The following UVRAG variants were observed in gnomAD, a reference collection of about 807,000 sequenced individuals.
The protein encoded by UVRAG is UV radiation resistance-associated gene protein.
In UVRAG, 19 loss-of-function variants were observed where a neutral mutation model predicts 78.0. The observed-to-expected ratio is 0.24, with a 90% confidence interval of 0.17 to 0.36. The LOEUF (loss-of-function observed/expected upper bound fraction) is 0.36, where lower values mean the gene tolerates loss of function less well. Ranked by LOEUF, UVRAG falls within the 10% of genes least tolerant of loss-of-function variation. The pLI is 1.00. For missense variants in UVRAG, 740 were observed against 853.8 expected (o/e 0.87, Z 1.66); for synonymous variants, 323 against 324.6 (o/e 1.00, Z 0.05).
chr11:76,142,249 G>A lies in UVRAG; in HGVS notation c.*836G>A, dbSNP rs1327448183. ...CAAAGTTTTTATGTGGGCAGATGCT[G>A]TGGTCAGGAACTAGGCATGCTTTCT... On this transcript the variant is annotated 3_prime_UTR_variant, in exon 15 of 15. Coordinates refer to ENST00000356136, the MANE Select transcript of UVRAG (RefSeq NM_003369.4). 1 of 152,202 alleles carries A rather than the reference G, an allele frequency of 6.6e-6. No individual in the cohort carries two copies. 9.4% of individuals were successfully genotyped at this position (152,202 alleles called of 1,614,324 possible). A position where few individuals can be genotyped will look rare whatever the true frequency, so the allele number is the denominator to read the frequency against.
intron 7 of UVRAG, among the ~76,000 whole-genome samples, chr11:75,967,876 T>A (rs1042241367): frequency 6.6e-6 from 1 of 152,198 alleles, no homozygotes; most frequent in South Asian, 2.1e-4. Context: ...CTTAGTAATA[T>A]GCGAATATGT....
At chr11:76,014,349 G>C (rs1253898400) in intron 11 of UVRAG, among the ~76,000 whole-genome samples, 1 of 152,130 alleles carries the variant, frequency 6.6e-6, no homozygotes, top group Non-Finnish European at 1.5e-5. Flanking sequence ...CTCCTTTCTG[G>C]AAGTTTTCAA....
rs746420602 is a variant in UVRAG at position 76,004,104 on chromosome 11, A to C, written c.911+15A>C. 9.9e-6 allele frequency: 16 copies of C among 1,611,600 alleles called. No individual in the cohort carries two copies. Among genetic ancestry groups the C allele is most frequent in the African/African-American group, 2.7e-5 (2 of 74,864 alleles). On this transcript the variant is annotated intron_variant, in intron 9 of 14. Coordinates refer to ENST00000356136, the MANE Select transcript of UVRAG (RefSeq NM_003369.4). Reference sequence around the variant, plus strand: ...ACTGCAAAAAGGTAAATGCACACTGAGAAGAATTGCTGTGAGTGTGGAGTT... The same window carrying C: ...ACTGCAAAAAGGTAAATGCACACTGCGAAGAATTGCTGTGAGTGTGGAGTT...
intron 5 of UVRAG, among the ~76,000 whole-genome samples, chr11:75,908,923 A>T (rs148996676): frequency 6.6e-6 from 1 of 152,154 alleles, no homozygotes; most frequent in East Asian, 1.9e-4. Context: ...TTGCTGGAAT[A>T]CAATTAATTG....
intron 12 of UVRAG, among the ~76,000 whole-genome samples, chr11:76,038,093 A>G (rs1950571766): frequency 6.6e-6 from 1 of 152,218 alleles, no homozygotes; most frequent in South Asian, 2.1e-4. Flanking sequence ...CATGAATTAA[A>G]TCACTTACAT....
chr11:75,924,307 A>G (rs1948041141), intron 6 of UVRAG, among the ~76,000 whole-genome samples: 1 of 152,054 alleles, frequency 6.6e-6, no homozygotes, highest in African/African-American at 2.4e-5. Flanking sequence ...TATATTTTAT[A>G]TATAAAATAA....
At chr11:76,017,509 T>G (rs911114169) in intron 12 of UVRAG, among the ~76,000 whole-genome samples, 1 of 152,068 alleles carries the variant, frequency 6.6e-6, no homozygotes, top group Non-Finnish European at 1.5e-5. Context: ...ACTAAGAATT[T>G]TCAAATTTAA....
chr11:76,116,191 G>A (rs1952178104), intron 14 of UVRAG, among the ~76,000 whole-genome samples, 176 bp downstream of exon 14: 1 of 152,202 alleles, frequency 6.6e-6, no homozygotes, highest in South Asian at 2.1e-4. Flanking sequence ...GTCTGGCTAA[G>A]GAGGATGTAG....
At chr11:75,945,882 T>A (rs932974933) in intron 6 of UVRAG, among the ~76,000 whole-genome samples, 1 of 152,132 alleles carries the variant, frequency 6.6e-6, no homozygotes, top group Non-Finnish European at 1.5e-5. Flanking sequence ...AAATGTTGGC[T>A]CAGTGTTTAC....
intron 1 of UVRAG, among the ~76,000 whole-genome samples, chr11:75,836,672 T>C (rs895581047): frequency 3.9e-5 from 6 of 152,330 alleles, no homozygotes; most frequent in East Asian, 1.9e-4. Flanking sequence ...CCTGTGCATG[T>C]ATCAACTTCC....
In UVRAG at chr11:76,107,554, A is replaced by G. The variant is rs191280982; in HGVS notation, c.1306-8370A>G. ...CCAGTGTTTACATTATAACATATCTATTTTGGAAAAGACTGGCACGTGTTT... is the reference window on the plus strand; with the variant it reads ...CCAGTGTTTACATTATAACATATCTGTTTTGGAAAAGACTGGCACGTGTTT... On this transcript the variant is annotated intron_variant, in intron 13 of 14. Transcript: ENST00000356136. Among the ~76,000 whole-genome samples, 8 of 152,310 alleles carry G rather than the reference A, an allele frequency of 5.3e-5. No individual in the cohort carries two copies. In the East Asian group the frequency reaches 1.3e-3, roughly 26 times the overall value.
At chr11:75,903,878 A>G (rs957555562) in intron 5 of UVRAG, among the ~76,000 whole-genome samples, 2 of 152,170 alleles carry the variant, frequency 1.3e-5, no homozygotes, top group Non-Finnish European at 2.9e-5. Context: ...TAACTGCGTT[A>G]TTTCTGTATA....
At chr11:75,958,319 T>C (rs545062782) in intron 6 of UVRAG, among the ~76,000 whole-genome samples, 100 of 152,346 alleles carry the variant, frequency 6.6e-4, no homozygotes, top group African/African-American at 2.3e-3. Flanking sequence ...CTTTCAAAAT[T>C]GGAGTCCGTC....
chr11:75,977,889 C>T lies in UVRAG; in HGVS notation c.700-5498C>T, dbSNP rs143791436. ...TTTACACTTAAGGTTAATATTGTTA[C>T]GTGTGAATTTGATCCTGTCATTATG... is the stretch of plus-strand genomic sequence containing the variant. On this transcript the variant is annotated intron_variant, in intron 7 of 14. Transcript: ENST00000356136. Among the ~76,000 whole-genome samples the T allele has an allele frequency of 5.5e-3, 835 of 152,144 alleles. 4 individuals are homozygous for T. Among genetic ancestry groups the T allele is most frequent in the African/African-American group, 0.017 (696 of 41,520 alleles).
chr11:76,140,899 A>G lies in UVRAG; in HGVS notation c.1586A>G (p.Gln529Arg). 1.2e-6 allele frequency: 2 copies of G among 1,614,190 alleles called. No individual in the cohort carries two copies. The highest frequency in any genetic ancestry group is 1.7e-6 in the Non-Finnish European group (2 of 1,180,028). Residue 529 changes from glutamine (Q) to arginine (R), a missense_variant, in exon 15 of 15, where the codon CAG becomes CGG. Gln to Arg is a conservative substitution (Grantham distance 43, BLOSUM62 1). Transcript: ENST00000356136. ...CCCAGTTACAACTCAGCATTAGCCC[A>G]GCCTGTGACCACCGTCCCCTCCATG... Reference protein sequence around the residue: ...PPPSYNSALAQPVTTVPSMGE... With the variant: ...PPPSYNSALARPVTTVPSMGE...
Position 76,115,969 on chromosome 11 carries a change from C to G in UVRAG, c.1351C>G (p.Leu451Val). The G allele has an allele frequency of 6.2e-7, 1 of 1,613,962 alleles. No individual in the cohort carries two copies. Among genetic ancestry groups the G allele is most frequent in the Non-Finnish European group, 8.5e-7 (1 of 1,179,888 alleles). The change falls in exon 14 of 15, where the codon CTT becomes GTT. Residue 451 changes from leucine to valine, a missense_variant. Leu to Val is a conservative substitution (Grantham distance 32). Coordinates refer to ENST00000356136, the MANE Select transcript of UVRAG (RefSeq NM_003369.4). Reference protein sequence around the residue: ...GLGTPDLRQTLPNLKNFMEHG... With the variant: ...GLGTPDLRQTVPNLKNFMEHG... ...AGGGACTCCAGACTTGCGGCAAACC[C>G]TTCCCAACCTGAAAAACTTCATGGA...
chr11:76,114,842 C>A (rs530261201), intron 13 of UVRAG, among the ~76,000 whole-genome samples: 15 of 152,246 alleles, frequency 9.9e-5, no homozygotes, highest in African/African-American at 3.6e-4. Context: ...TGGTTTTATT[C>A]TTTAAGAGAG....
intron 12 of UVRAG, among the ~76,000 whole-genome samples, chr11:76,050,198 T>G (rs565239444): frequency 9.9e-4 from 151 of 152,304 alleles, no homozygotes; most frequent in Non-Finnish European, 1.9e-3. Flanking sequence ...ACCAAATAAT[T>G]TTTCTTTTGA....
rs1443362505 is a variant in UVRAG at position 76,008,874 on chromosome 11, T to C, written c.1060+7T>C. On this transcript the variant is annotated splice_region_variant and intron_variant, in intron 11 of 14. Transcript: ENST00000356136. ...AATTCTGAGGACTTCCAAGGTATTT[T>C]ATTTTTTATTTTGAAGATTTGTTAT... The C allele has an allele frequency of 7.1e-7, 1 of 1,417,770 alleles. No homozygotes were observed. The highest frequency in any genetic ancestry group is 1.4e-5 in the African/African-American group (1 of 69,866). 87.8% of individuals were successfully genotyped at this position (1,417,770 alleles called of 1,614,324 possible).
Sources: gnomAD v4.1 joint callset for allele counts (sites outside exome capture counted in the v4.1 genomes callset) on GRCh38, gnomAD v4.1.1 for gene constraint, MANE v1.5 for transcripts, NCBI Gene and HGNC (gene_info 2026-07-23, HGNC 2026-07-21) for gene names.